Variants in ANXA6 observed in about 807,000 individuals in gnomAD.
ANXA6 encodes the protein 67 kDa calelectrin.
ANXA6 carries 71 observed loss-of-function variants against 95.4 expected under a neutral mutation model. That is an observed-to-expected ratio of 0.74 (90% CI 0.61 to 0.91). The LOEUF (loss-of-function observed/expected upper bound fraction) is 0.91, where lower values mean the gene tolerates loss of function less well. Ranked by LOEUF, ANXA6 falls within the 40% of genes least tolerant of loss-of-function variation. The probability of loss-of-function intolerance (pLI) is 0.00; values close to 1 mark genes in which losing one functional copy is unlikely to be tolerated. For missense variants in ANXA6, 830 were observed against 876.4 expected (o/e 0.95, Z 0.67); for synonymous variants, 289 against 315.9 (o/e 0.91, Z 0.90).
intron 2 of ANXA6, among the ~76,000 whole-genome samples, chr5:151,146,222 G>T (rs182519233): frequency 5.7e-4 from 87 of 152,340 alleles, no homozygotes; most frequent in African/African-American, 1.9e-3. Flanking sequence ...CCAGGGCCTG[G>T]CCTGTCCACT....
At chr5:151,101,580 A>C in intron 25 of ANXA6, 73 bp from the exon 26 acceptor site, 1 of 1,343,254 alleles carries the variant, frequency 7.4e-7, no homozygotes, top group East Asian at 2.5e-5. Context: ...CCGGCTGCCC[A>C]TCTGTCTGGA....
At chr5:151,142,175 G>A (rs1259808731) in intron 2 of ANXA6, among the ~76,000 whole-genome samples, 1 of 152,218 alleles carries the variant, frequency 6.6e-6, no homozygotes, top group Non-Finnish European at 1.5e-5. Context: ...TTAGCTACTA[G>A]GATGGATGGA....
intron 10 of ANXA6, among the ~76,000 whole-genome samples, chr5:151,131,674 A>C (rs1248910439): frequency 6.6e-6 from 1 of 152,110 alleles, no homozygotes; most frequent in Non-Finnish European, 1.5e-5. Flanking sequence ...AATCCCACTG[A>C]ATCACCGTGA....
At chr5:151,128,402 C>T (rs1765392260) in intron 12 of ANXA6, 163 bp from the exon 13 acceptor site, 1 of 623,356 alleles carries the variant, frequency 1.6e-6, no homozygotes, top group African/African-American at 1.8e-5. Flanking sequence ...AACTGGTTCT[C>T]AGCGGGCAGG....
intron 1 of ANXA6, among the ~76,000 whole-genome samples, chr5:151,149,468 C>T (rs1012714647): frequency 1.1e-4 from 16 of 152,268 alleles, no homozygotes; most frequent in African/African-American, 3.6e-4. Context: ...CTACTTTCCA[C>T]TTTAAGCAGG....
At chr5:151,113,639 A>G (rs1764915323) in intron 20 of ANXA6, among the ~76,000 whole-genome samples, 2 of 152,206 alleles carry the variant, frequency 1.3e-5, no homozygotes, top group African/African-American at 4.8e-5. Flanking sequence ...AATATCTGTA[A>G]TGTAAAAAAA....
intron 2 of ANXA6, among the ~76,000 whole-genome samples, chr5:151,146,314 G>T (rs549040189): frequency 6.6e-6 from 1 of 152,306 alleles, no homozygotes; most frequent in South Asian, 2.1e-4. Context: ...GGGGAACAGT[G>T]AAAGTTCCAC....
At chr5:151,106,617 T>C (rs1020350135) in intron 23 of ANXA6, among the ~76,000 whole-genome samples, 1 of 152,192 alleles carries the variant, frequency 6.6e-6, no homozygotes, top group Non-Finnish European at 1.5e-5. Flanking sequence ...CCTGGATAGA[T>C]GCATTTCCTA....
intron 1 of ANXA6, among the ~76,000 whole-genome samples, chr5:151,156,272 T>C (rs1582025551): frequency 6.6e-6 from 1 of 152,324 alleles, no homozygotes; most frequent in Non-Finnish European, 1.5e-5. Context: ...GCACTGGCAG[T>C]GGCAGCCAGT....
chr5:151,111,009 A>T (rs1764833178), intron 20 of ANXA6, among the ~76,000 whole-genome samples: 1 of 152,134 alleles, frequency 6.6e-6, no homozygotes. Context: ...AATCCCTGCC[A>T]CTTCCTTACA....
intron 20 of ANXA6, among the ~76,000 whole-genome samples, chr5:151,112,717 G>C (rs903299929): frequency 1.3e-5 from 2 of 149,876 alleles, no homozygotes; most frequent in African/African-American, 4.8e-5. Context: ...CCAGCTACTT[G>C]GGGGGCTGAG....
At chr5:151,122,542 G>A (rs1337806566) in intron 16 of ANXA6, among the ~76,000 whole-genome samples, 1 of 152,186 alleles carries the variant, frequency 6.6e-6, no homozygotes, top group African/African-American at 2.4e-5. Flanking sequence ...ATCAACCTAA[G>A]CCAGATGCCA....
Position 151,101,036 on chromosome 5 carries a change from C to A in ANXA6, c.*412G>T, listed in dbSNP as rs926175293. 2 of 466,916 alleles carry A rather than the reference C, an allele frequency of 4.3e-6. No homozygotes were observed. The highest frequency in any genetic ancestry group is 4.0e-5 in the African/African-American group (2 of 50,632). The allele number at this position is 466,916 out of a possible 1,614,324, so 28.9% of individuals were successfully genotyped here. On this transcript the variant is annotated 3_prime_UTR_variant, in exon 26 of 26. Transcript: ENST00000354546. Reference sequence around the variant, plus strand: ...CCCAGCACATTTACTATCCTTCCCACCACCCCGCCCAGCACATTCAACTGG... The same window carrying A: ...CCCAGCACATTTACTATCCTTCCCAACACCCCGCCCAGCACATTCAACTGG...
chr5:151,134,189 T>G (rs926176250), intron 8 of ANXA6, among the ~76,000 whole-genome samples: 1 of 152,212 alleles, frequency 6.6e-6, no homozygotes, highest in Non-Finnish European at 1.5e-5. Context: ...ACTGAATGAA[T>G]AAAGAAAGCT....
At chr5:151,123,782 C>G (rs918681976) in intron 15 of ANXA6, among the ~76,000 whole-genome samples, 4 of 152,218 alleles carry the variant, frequency 2.6e-5, no homozygotes, top group Non-Finnish European at 4.4e-5. Context: ...ACAGGCCCAG[C>G]TGATCTGAAC....
chr5:151,117,845 A>C lies in ANXA6; in HGVS notation c.1439-8T>G. On this transcript the variant is annotated splice_polypyrimidine_tract_variant and splice_region_variant and intron_variant, in intron 18 of 25. Coordinates refer to ENST00000354546, the MANE Select transcript of ANXA6 (RefSeq NM_001155.5). ...CCAGGGACTTGTGATAGTCTGAGGC[A>C]GAGAAAGGGGGTGTGGGTAGCTGCT... The C allele has an allele frequency of 6.2e-7, 1 of 1,612,218 alleles. No homozygotes were observed. Among genetic ancestry groups the C allele is most frequent in the Non-Finnish European group, 8.5e-7 (1 of 1,178,462 alleles).
chr5:151,145,625 A>G (rs1178055293), intron 2 of ANXA6, among the ~76,000 whole-genome samples: 1 of 152,192 alleles, frequency 6.6e-6, no homozygotes, highest in Non-Finnish European at 1.5e-5. Flanking sequence ...ACGTGTGTAT[A>G]CATGCATGCA....
At chr5:151,133,331 G>T in intron 8 of ANXA6, 144 bp from the exon 9 acceptor site, 1 of 610,868 alleles carries the variant, frequency 1.6e-6, no homozygotes, top group Non-Finnish European at 3.0e-6. Flanking sequence ...AAACAGTCAT[G>T]CATCATTTAA....
At chr5:151,118,736 T>G (rs1417999593) in intron 18 of ANXA6, among the ~76,000 whole-genome samples, 1 of 151,962 alleles carries the variant, frequency 6.6e-6, no homozygotes, top group Non-Finnish European at 1.5e-5. Flanking sequence ...CCCAGCCAAT[T>G]TTTATATTTT....
Sources: gnomAD v4.1 joint callset for allele counts (sites outside exome capture counted in the v4.1 genomes callset) on GRCh38, gnomAD v4.1.1 for gene constraint, MANE v1.5 for transcripts, NCBI Gene and HGNC (gene_info 2026-07-23, HGNC 2026-07-21) for gene names.